NKAIN3: variants seen among roughly 807,000 people sequenced by gnomAD.
The protein encoded by NKAIN3 is sodium/potassium transporting ATPase interacting 3.
Under a neutral mutation model 30.2 loss-of-function variants are expected in NKAIN3, and 25 were observed. The observed-to-expected ratio is 0.83, with a 90% confidence interval of 0.60 to 1.16. NKAIN3 has a LOEUF of 1.16. Among genes scored for constraint, NKAIN3 ranks in the 50% most tolerant of loss-of-function variants. NKAIN3 has a pLI of 0.00. For missense variants in NKAIN3, 225 were observed against 254.1 expected (o/e 0.89, Z 0.78); for synonymous variants, 91 against 89.6 (o/e 1.02, Z -0.09).
At chr8:62,651,364 C>T (rs1396047626) in intron 3 of NKAIN3, among the ~76,000 whole-genome samples, 4 of 152,124 alleles carry the variant, frequency 2.6e-5, no homozygotes, top group Admixed American at 2.6e-4. Context: ...TAAAAAGATT[C>T]AAGTCTCATA....
At chr8:62,923,453 A>G (rs1455537856) in intron 5 of NKAIN3, among the ~76,000 whole-genome samples, 1 of 152,206 alleles carries the variant, frequency 6.6e-6, no homozygotes, top group African/African-American at 2.4e-5. Flanking sequence ...ACTGCTTTAT[A>G]TTTAGAATTT....
chr8:62,322,592 G>T (rs1814971189), intron 1 of NKAIN3, among the ~76,000 whole-genome samples: 1 of 152,164 alleles, frequency 6.6e-6, no homozygotes, highest in Non-Finnish European at 1.5e-5. Context: ...TCAGATAAGG[G>T]ATACTCAACC....
intron 1 of NKAIN3, among the ~76,000 whole-genome samples, chr8:62,335,108 G>T (rs1227366891): frequency 1.3e-5 from 2 of 151,928 alleles, no homozygotes; most frequent in Non-Finnish European, 2.9e-5. Flanking sequence ...TCACCTTTTG[G>T]CCACAGATAG....
intron 1 of NKAIN3, among the ~76,000 whole-genome samples, chr8:62,525,817 T>C (rs1205880570): frequency 6.6e-6 from 1 of 152,152 alleles, no homozygotes; most frequent in Non-Finnish European, 1.5e-5. Flanking sequence ...TTATAGGTGT[T>C]TGTAAGATTG....
intron 3 of NKAIN3, among the ~76,000 whole-genome samples, chr8:62,640,424 G>A (rs924759450): frequency 5.3e-5 from 8 of 152,060 alleles, no homozygotes; most frequent in Non-Finnish European, 1.0e-4. Flanking sequence ...TAAGTTTCCT[G>A]AGGCCTCCCC....
At chr8:62,786,908 G>C (rs1375800677) in intron 4 of NKAIN3, among the ~76,000 whole-genome samples, 1 of 152,158 alleles carries the variant, frequency 6.6e-6, no homozygotes, top group Non-Finnish European at 1.5e-5. Flanking sequence ...GTAAGCATAT[G>C]TTTCAGTAGG....
intron 4 of NKAIN3, among the ~76,000 whole-genome samples, chr8:62,756,332 G>T (rs547482136): frequency 6.6e-6 from 1 of 152,182 alleles, no homozygotes; most frequent in South Asian, 2.1e-4. Flanking sequence ...TATAAATGTG[G>T]TCTTTCGTGT....
At chr8:62,499,514 CCAAA>C (rs1030179864) in intron 1 of NKAIN3, among the ~76,000 whole-genome samples, 20 of 152,200 alleles carry the variant, frequency 1.3e-4, no homozygotes, top group African/African-American at 4.1e-4. Flanking sequence ...CCGAAGGTCT[CCAAA>C]CAAAGTTAAA....
intron 4 of NKAIN3, among the ~76,000 whole-genome samples, chr8:62,879,459 G>T (rs886510397): frequency 1.7e-4 from 26 of 152,238 alleles, no homozygotes; most frequent in African/African-American, 6.0e-4. Flanking sequence ...CCATTCTGTA[G>T]GTTGCCTGTT....
At chr8:62,286,830 A>G (rs2129398875) in intron 1 of NKAIN3, among the ~76,000 whole-genome samples, 1 of 152,054 alleles carries the variant, frequency 6.6e-6, no homozygotes, top group East Asian at 2.0e-4. Flanking sequence ...AGCAAATGGA[A>G]ATGTGTTAAT....
At chr8:62,523,571 T>G (rs1355066831) in intron 1 of NKAIN3, among the ~76,000 whole-genome samples, 1 of 152,170 alleles carries the variant, frequency 6.6e-6, no homozygotes, top group Non-Finnish European at 1.5e-5. Context: ...TGGGTTTCAC[T>G]GTTGTATACC....
At chr8:62,670,586 T>C (rs543206866) in intron 3 of NKAIN3, among the ~76,000 whole-genome samples, 173 of 149,648 alleles carry the variant, frequency 1.2e-3, no homozygotes, top group Non-Finnish European at 1.6e-3. Flanking sequence ...AGTAGTCTCT[T>C]CCTAATAGGC....
At chr8:62,997,869 A>G (rs1804156840) in intron 5 of NKAIN3, among the ~76,000 whole-genome samples, 1 of 152,276 alleles carries the variant, frequency 6.6e-6, no homozygotes, top group African/African-American at 2.4e-5. Context: ...CATAAAAATA[A>G]AAACTTCAAC....
chr8:62,817,480 A>G (rs1382826108), intron 4 of NKAIN3, among the ~76,000 whole-genome samples: 2 of 152,058 alleles, frequency 1.3e-5, no homozygotes, highest in Non-Finnish European at 2.9e-5. Context: ...AGCTTCCAGT[A>G]TCCACCCACC....
intron 1 of NKAIN3, among the ~76,000 whole-genome samples, chr8:62,541,878 G>T (rs1808856652): frequency 6.6e-6 from 1 of 151,858 alleles, no homozygotes; most frequent in Non-Finnish European, 1.5e-5. Context: ...CTTCTTTGTT[G>T]CTTTTTAAAC....
chr8:62,890,383 T>C (rs1821266098), intron 4 of NKAIN3, among the ~76,000 whole-genome samples: 1 of 152,228 alleles, frequency 6.6e-6, no homozygotes, highest in South Asian at 2.1e-4. Context: ...GGATATGTCA[T>C]ACAGGTACTT....
At chr8:62,852,248 T>C (rs1819931560) in intron 4 of NKAIN3, among the ~76,000 whole-genome samples, 2 of 152,190 alleles carry the variant, frequency 1.3e-5, no homozygotes, top group African/African-American at 2.4e-5. Context: ...TGTGTAGAGG[T>C]GTTTATAGTA....
chr8:62,555,658 T>G (rs879521184), intron 1 of NKAIN3, among the ~76,000 whole-genome samples: 2 of 152,172 alleles, frequency 1.3e-5, no homozygotes, highest in South Asian at 2.1e-4. Flanking sequence ...TAAGTGTAAA[T>G]GTTTAAAGAG....
In NKAIN3 at chr8:62,387,176, A is replaced by T. The variant is rs185012654; in HGVS notation, c.54+138049A>T. 6.6e-4 allele frequency among the ~76,000 whole-genome samples: 100 copies of T among 152,258 alleles called. 1 individual carries two copies. The highest frequency in any genetic ancestry group is 6.0e-4 in the Non-Finnish European group (41 of 68,014). On this transcript the variant is annotated intron_variant, in intron 1 of 6. Transcript: ENST00000623646. ...TAGTAAATAAGGGAGTTTTTGTCCC[A>T]TTAAAATCAGGGAATCATCAACCAC...
Sources: gnomAD v4.1 joint callset for allele counts (sites outside exome capture counted in the v4.1 genomes callset) on GRCh38, gnomAD v4.1.1 for gene constraint, MANE v1.5 for transcripts, NCBI Gene and HGNC (gene_info 2026-07-23, HGNC 2026-07-21) for gene names.